The following HHAT variants were observed in gnomAD, a reference collection of about 807,000 sequenced individuals.
HHAT encodes hedgehog acyltransferase.
A neutral mutation model predicts 70.8 loss-of-function variants in HHAT; 47 were observed. The ratio of observed to expected loss-of-function variants is 0.66; its 90% CI spans 0.53 to 0.85. The LOEUF is 0.85. Among genes scored for constraint, HHAT ranks in the 40% least tolerant of loss-of-function variants. The pLI, the probability that HHAT is intolerant of heterozygous loss-of-function variation, is 0.00. For missense variants in HHAT, 609 were observed against 604.8 expected (o/e 1.01, Z -0.07); for synonymous variants, 228 against 247.6 (o/e 0.92, Z 0.74).
rs1308574422 is a variant in HHAT, at chr1:210,440,410, G to A, written c.856+22085G>A. ...GGAGTGGTCCCAAGCAGAGTGAGGA[G>A]GCTAAGCCTTTCTACCCCCATGGCA... On this transcript the variant is annotated intron_variant, in intron 7 of 11. Coordinates refer to ENST00000261458, the MANE Select transcript of HHAT (RefSeq NM_018194.6). Among the ~76,000 whole-genome samples the A allele has an allele frequency of 3.3e-5, 5 of 151,666 alleles. 1 individual carries two copies. Among genetic ancestry groups the A allele is most frequent in the African/African-American group, 1.2e-4 (5 of 40,998 alleles).
chr1:210,620,545 A>G (rs1668623922), intron 10 of HHAT, among the ~76,000 whole-genome samples: 1 of 151,996 alleles, frequency 6.6e-6, no homozygotes, highest in African/African-American at 2.4e-5. Context: ...TGCTCTGTTC[A>G]TTTTGCTGCT....
intron 2 of HHAT, among the ~76,000 whole-genome samples, chr1:210,349,653 T>TC (rs2086839031): frequency 2.9e-5 from 1 of 34,566 alleles, no homozygotes; most frequent in East Asian, 6.9e-4. Flanking sequence ...TACCTAAAAC[T>TC]TTTTTTTTTT....
intron 7 of HHAT, among the ~76,000 whole-genome samples, chr1:210,447,983 T>A (rs967146253): frequency 2.6e-5 from 4 of 152,144 alleles, no homozygotes; most frequent in Admixed American, 2.6e-4. Flanking sequence ...TGTGGCTGGA[T>A]GACCAGCTGC....
intron 5 of HHAT, among the ~76,000 whole-genome samples, chr1:210,403,894 C>T (rs115916924): frequency 0.016 from 2,398 of 147,984 alleles, 61 homozygotes; most frequent in African/African-American, 0.056. Context: ...TACACATCTA[C>T]GTCCTGTATG....
chr1:210,516,246 G>A lies in HHAT; in HGVS notation c.1043+3058G>A, dbSNP rs186770699. ...TAGCAGTGAGGGAATGGCAGCAGCA[G>A]CTCCTTTAAGAAGATAAGCTGTGAA... is the stretch of plus-strand genomic sequence containing the variant. On this transcript the variant is annotated intron_variant, in intron 9 of 11. Coordinates refer to ENST00000261458, the MANE Select transcript of HHAT (RefSeq NM_018194.6). Among the ~76,000 whole-genome samples, 8 of 152,240 alleles carry A rather than the reference G, an allele frequency of 5.3e-5. No individual in the cohort carries two copies. In the East Asian group the frequency reaches 1.5e-3, roughly 29 times the overall value.
In HHAT at chr1:210,643,044, A is replaced by C. The variant is rs532916416; in HGVS notation, c.1390+19374A>C. Among the ~76,000 whole-genome samples, 8 of 152,256 alleles carry C rather than the reference A, an allele frequency of 5.3e-5. No individual in the cohort carries two copies. In the South Asian group the frequency reaches 1.5e-3, roughly 28 times the overall value. ...TTGTGTATAATGTGCGATAAGGATCAATTTTTTTTGGTCTGTTTGGATATT... is the reference window on the plus strand; with the variant it reads ...TTGTGTATAATGTGCGATAAGGATCCATTTTTTTTGGTCTGTTTGGATATT... On this transcript the variant is annotated intron_variant, in intron 11 of 11. Transcript: ENST00000261458.
intron 2 of HHAT, among the ~76,000 whole-genome samples, chr1:210,353,454 T>TTA: frequency 1.8e-5 from 1 of 54,274 alleles, no homozygotes; most frequent in South Asian, 8.0e-4. Context: ...TTTTTTTTTT[T>TTA]AAAAAAAAGC....
chr1:210,449,645 G>A (rs1276543123), intron 7 of HHAT, among the ~76,000 whole-genome samples: 28 of 152,220 alleles, frequency 1.8e-4, no homozygotes, highest in Admixed American at 1.8e-3. Context: ...TTCATTGGGA[G>A]AGAGAAGCTG....
intron 11 of HHAT, chr1:210,631,174 C>T (rs1360208836): frequency 2.2e-6 from 1 of 453,128 alleles, no homozygotes; most frequent in Non-Finnish European, 4.4e-6. Context: ...GCAGCAATAT[C>T]AGGTGAGATT....
At chr1:210,442,012 C>A (rs1300587272) in intron 7 of HHAT, among the ~76,000 whole-genome samples, 3 of 125,468 alleles carry the variant, frequency 2.4e-5, no homozygotes, top group Non-Finnish European at 3.2e-5. Flanking sequence ...CCCCCCACCC[C>A]ACAACAGTCC....
chr1:210,621,366 C>G (rs1006419753), intron 10 of HHAT, among the ~76,000 whole-genome samples: 1 of 151,924 alleles, frequency 6.6e-6, no homozygotes, highest in African/African-American at 2.4e-5. Flanking sequence ...TCAGTGGATC[C>G]CTTAGGAATC....
At chr1:210,485,129 G>A (rs1205691896) in intron 8 of HHAT, among the ~76,000 whole-genome samples, 1 of 152,160 alleles carries the variant, frequency 6.6e-6, no homozygotes, top group Non-Finnish European at 1.5e-5. Context: ...CAGTACATGA[G>A]AATATGAATG....
At chr1:210,500,841 G>A (rs1481035178) in intron 8 of HHAT, among the ~76,000 whole-genome samples, 1 of 152,202 alleles carries the variant, frequency 6.6e-6, no homozygotes, top group Non-Finnish European at 1.5e-5. Context: ...ATGTTCTGTG[G>A]GGACTGTTGC....
At chr1:210,609,921 C>A (rs970903968) in intron 10 of HHAT, among the ~76,000 whole-genome samples, 1 of 152,076 alleles carries the variant, frequency 6.6e-6, no homozygotes, top group Non-Finnish European at 1.5e-5. Context: ...CATTGATGGG[C>A]GTTTAGATTG....
intron 10 of HHAT, among the ~76,000 whole-genome samples, chr1:210,612,760 C>T (rs1666858538): frequency 6.6e-6 from 1 of 152,156 alleles, no homozygotes; most frequent in Non-Finnish European, 1.5e-5. Flanking sequence ...TACATTCTCA[C>T]CAGCAATACG....
At chr1:210,362,947 A>G (rs2088514899) in intron 3 of HHAT, 28 bp downstream of exon 3, 1 of 1,504,144 alleles carries the variant, frequency 6.6e-7, no homozygotes, top group East Asian at 2.3e-5. Context: ...AATAAATCTC[A>G]GTTTTCAAAC....
At position 210,362,853 on chromosome 1, in the gene HHAT, A is replaced by G. The variant is rs186282077; in HGVS notation, c.93A>G (p.Glu31=). ...CGAAGACTTTTTTTTTTTGGTCAGA[A>G]CACGAAGAGGAGCTGGACCAGGAAT... ...SFYEVYKVSR[E]HEEELDQEFE... The change falls in exon 3 of 12, where the codon GAA becomes GAG. Residue 31 remains glutamate, a splice_region_variant and synonymous_variant. Transcript: ENST00000261458. 3 of 1,613,680 alleles carry G rather than the reference A, an allele frequency of 1.9e-6. No homozygotes were observed. The highest frequency in any genetic ancestry group is 2.5e-6 in the Non-Finnish European group (3 of 1,179,734).
intron 9 of HHAT, among the ~76,000 whole-genome samples, chr1:210,564,068 C>T (rs2095647524): frequency 6.6e-6 from 1 of 151,984 alleles, no homozygotes; most frequent in South Asian, 2.1e-4. Flanking sequence ...ATTCTCCTGC[C>T]TCAGCCTCCT....
intron 9 of HHAT, among the ~76,000 whole-genome samples, chr1:210,519,531 T>A (rs919497997): frequency 6.0e-4 from 89 of 149,180 alleles, no homozygotes; most frequent in African/African-American, 1.7e-3. Flanking sequence ...TCTTTGCTTT[T>A]TTTTTTTTTT....
Sources: gnomAD v4.1 joint callset for allele counts (sites outside exome capture counted in the v4.1 genomes callset) on GRCh38, gnomAD v4.1.1 for gene constraint, MANE v1.5 for transcripts, NCBI Gene and HGNC (gene_info 2026-07-23, HGNC 2026-07-21) for gene names.